Variants in CPAP observed in about 807,000 individuals in gnomAD.
CPAP encodes centrosome assembly and centriole elongation protein, also known as centrosomal P4.1-associated protein.
the CPAP span, among the ~76,000 whole-genome samples, chr13:24,919,446 G>C: frequency 6.6e-6 from 1 of 152,098 alleles, no homozygotes; most frequent in South Asian, 2.1e-4. Flanking sequence ...CCTTGAGACA[G>C]GGTCTCACTG....
At chr13:24,926,466 C>T in the CPAP span, among the ~76,000 whole-genome samples, 3 of 152,112 alleles carry the variant, frequency 2.0e-5, no homozygotes, top group Non-Finnish European at 4.4e-5. Flanking sequence ...ACATCATGCA[C>T]AAGGGAAACG....
the CPAP span, among the ~76,000 whole-genome samples, chr13:24,907,499 C>T: frequency 6.6e-6 from 1 of 152,098 alleles, no homozygotes; most frequent in Non-Finnish European, 1.5e-5. Context: ...AAAAATAGAT[C>T]ACTAAATATG....
the CPAP span, chr13:24,884,213 G>A: frequency 6.2e-7 from 1 of 1,614,066 alleles, no homozygotes; most frequent in Non-Finnish European, 8.5e-7. Context: ...GGTATGTCGT[G>A]TGAGTGGTCT....
chr13:24,910,622 G>C, the CPAP span, among the ~76,000 whole-genome samples: 4 of 152,308 alleles, frequency 2.6e-5, no homozygotes, highest in African/African-American at 7.2e-5. Flanking sequence ...AAGGGATCCT[G>C]AGACCAAAAT....
chr13:24,889,589 G>A, the CPAP span, among the ~76,000 whole-genome samples: 2 of 93,326 alleles, frequency 2.1e-5, no homozygotes, highest in South Asian at 3.0e-4. Flanking sequence ...GCACACACAC[G>A]CACGCGCGCC....
At chr13:24,882,889 C>T in the CPAP span, 2 of 385,500 alleles carry the variant, frequency 5.2e-6, no homozygotes, top group Non-Finnish European at 4.8e-6. Flanking sequence ...TTTTTATAGC[C>T]ATTTCTAACC....
chr13:24,883,387 AAT>A, the CPAP span: 76 of 1,558,974 alleles, frequency 4.9e-5, no homozygotes, highest in African/African-American at 7.8e-4. Context: ...ATTTAAAAAA[AAT>A]ATGATTTCTT....
chr13:24,885,068 TAAG>T, the CPAP span, among the ~76,000 whole-genome samples: 111 of 152,186 alleles, frequency 7.3e-4, no homozygotes, highest in Non-Finnish European at 1.9e-4. Flanking sequence ...CAGAAGCTTT[TAAG>T]AAGTGCCAAG....
At chr13:24,893,052 C>G in the CPAP span, among the ~76,000 whole-genome samples, 1 of 152,050 alleles carries the variant, frequency 6.6e-6, no homozygotes, top group South Asian at 2.1e-4. Context: ...AGAGTCTCAC[C>G]GCAGACCATC....
the CPAP span, among the ~76,000 whole-genome samples, chr13:24,916,952 C>CA: frequency 1.3e-5 from 2 of 152,098 alleles, no homozygotes; most frequent in East Asian, 1.9e-4. Flanking sequence ...GAAATAAAGA[C>CA]AAAAAAATAC....
chr13:24,917,382 AG>A, the CPAP span, among the ~76,000 whole-genome samples: 2 of 152,240 alleles, frequency 1.3e-5, no homozygotes, highest in African/African-American at 2.4e-5. Flanking sequence ...CTTTAATTAA[AG>A]TTAATTAAAT....
the CPAP span, among the ~76,000 whole-genome samples, chr13:24,920,544 A>C: frequency 6.6e-6 from 1 of 152,204 alleles, no homozygotes; most frequent in Admixed American, 6.5e-5. Flanking sequence ...TCAGGCATTT[A>C]AAAAAACAAA....
chr13:24,911,852 C>A, the CPAP span: 1 of 1,491,400 alleles, frequency 6.7e-7, no homozygotes, highest in Non-Finnish European at 9.3e-7. Context: ...CTGGAGTTCA[C>A]AACACATGAT....
At chr13:24,915,169 T>C in the CPAP span, among the ~76,000 whole-genome samples, 2 of 152,166 alleles carry the variant, frequency 1.3e-5, no homozygotes, top group African/African-American at 4.8e-5. Flanking sequence ...CCCTCCTTTA[T>C]TGTCTACCAA....
chr13:24,917,825 C>T, the CPAP span, among the ~76,000 whole-genome samples: 3 of 152,138 alleles, frequency 2.0e-5, no homozygotes, highest in Non-Finnish European at 4.4e-5. Flanking sequence ...AGTGTTGTCC[C>T]ATGGGGGAAG....
the CPAP span, chr13:24,882,874 GTTTT>G: frequency 8.3e-6 from 3 of 360,512 alleles, no homozygotes; most frequent in Admixed American, 8.4e-5. Flanking sequence ...GTACTTCTTG[GTTTT>G]TTTTTATAGC....
chr13:24,883,394 T>TTTC, the CPAP span: 1 of 1,522,422 alleles, frequency 6.6e-7, no homozygotes, highest in Non-Finnish European at 8.9e-7. Flanking sequence ...AAAAATATGA[T>TTTC]TTCTTAAAAA....
the CPAP span, among the ~76,000 whole-genome samples, chr13:24,891,197 T>C: frequency 1.3e-5 from 2 of 151,918 alleles, no homozygotes; most frequent in Non-Finnish European, 2.9e-5. Context: ...CTCTCCTCCT[T>C]GCAGCCTTTT....
the CPAP span, among the ~76,000 whole-genome samples, chr13:24,916,821 T>C: frequency 6.6e-6 from 1 of 152,246 alleles, no homozygotes; most frequent in Non-Finnish European, 1.5e-5. Flanking sequence ...CTAATCATGG[T>C]AATCATATTA....
Sources: allele counts gnomAD v4.1 joint callset (sites outside exome capture counted in the v4.1 genomes callset), GRCh38; gene constraint gnomAD v4.1.1; transcripts MANE v1.5; gene names NCBI Gene and HGNC (gene_info 2026-07-23, HGNC 2026-07-21).